Variants in KIF13A observed in about 807,000 individuals in gnomAD.
KIF13A encodes the protein kinesin-like protein KIF13A.
KIF13A carries 79 observed loss-of-function variants against 212.2 expected under a neutral mutation model. The ratio of observed to expected loss-of-function variants is 0.37; its 90% confidence interval spans 0.31 to 0.45. KIF13A has a LOEUF of 0.45. KIF13A is among the 20% of genes least tolerant of loss of function. The pLI is 1.00. For missense variants in KIF13A, 1,901 were observed against 2,209.0 expected, an observed-to-expected ratio of 0.86 and a Z score of 2.79; for synonymous variants, 789 against 808.6, an observed-to-expected ratio of 0.98 and a Z score of 0.41.
At chr6:17,862,973 C>CA (rs1185265162) in intron 4 of KIF13A, among the ~76,000 whole-genome samples, 8 of 151,680 alleles carry the variant, frequency 5.3e-5, no homozygotes, top group Admixed American at 5.2e-4. Flanking sequence ...AACAAACAAA[C>CA]AAAAAAACAA....
At chr6:17,943,049 G>T (rs1311447129) in intron 2 of KIF13A, among the ~76,000 whole-genome samples, 1 of 152,062 alleles carries the variant, frequency 6.6e-6, no homozygotes, top group Non-Finnish European at 1.5e-5. Flanking sequence ...TCATAAAAAT[G>T]GGTACTTATA....
At chr6:17,959,379 G>C (rs1306052197) in intron 2 of KIF13A, among the ~76,000 whole-genome samples, 1 of 152,180 alleles carries the variant, frequency 6.6e-6, no homozygotes, top group South Asian at 2.1e-4. Flanking sequence ...ACTACATTAT[G>C]TTTGGGAGAT....
intron 3 of KIF13A, among the ~76,000 whole-genome samples, chr6:17,884,426 AC>A (rs1315443490): frequency 2.0e-5 from 3 of 152,148 alleles, no homozygotes; most frequent in African/African-American, 7.2e-5. Context: ...TTATATTCTC[AC>A]CAAGCTGGAA....
At chr6:17,808,386 A>AAAACAAACAAACAAACAAAC (rs3076207) in intron 18 of KIF13A, among the ~76,000 whole-genome samples, 6 of 150,820 alleles carry the variant, frequency 4.0e-5, no homozygotes, top group African/African-American at 1.5e-4. Context: ...ACTCAGTCTA[A>AAAACAAACAAACAAACAAAC]AAACAAACAA....
chr6:17,843,634 T>C lies in KIF13A; in HGVS notation c.830+5743A>G, dbSNP rs1405975461. ...ATTAAAGTTAGTAGAGCTGTGTGCA[T>C]TTCTGAGGTGCTGTACCAGCCTCTG... On this transcript the variant is annotated intron_variant, in intron 9 of 38. Coordinates refer to ENST00000259711, the MANE Select transcript of KIF13A (RefSeq NM_022113.6). The surrounding 1 kb of genome is among the most constrained non-coding windows in gnomAD (Gnocchi z 5.3). 1.3e-5 allele frequency among the ~76,000 whole-genome samples: 2 copies of C among 152,218 alleles called. No individual in the cohort carries two copies.
chr6:17,882,238 C>T, intron 3 of KIF13A: 1 of 351,628 alleles, frequency 2.8e-6, no homozygotes, highest in East Asian at 7.5e-5. Context: ...CCACTTGTTA[C>T]CTTTTTCAAT....
chr6:17,803,932 C>T (rs1762702285), intron 20 of KIF13A, among the ~76,000 whole-genome samples: 1 of 152,208 alleles, frequency 6.6e-6, no homozygotes, highest in African/African-American at 2.4e-5. Flanking sequence ...GCGGGCGGAT[C>T]ACAAGGTCAG....
At chr6:17,925,641 T>C (rs188149040) in intron 2 of KIF13A, among the ~76,000 whole-genome samples, 27 of 152,280 alleles carry the variant, frequency 1.8e-4, no homozygotes, top group African/African-American at 6.0e-4. Context: ...CAACAGTCCG[T>C]GGGCAGGAGC....
chr6:17,784,264 A>C (rs535594528), intron 28 of KIF13A, among the ~76,000 whole-genome samples: 4 of 152,240 alleles, frequency 2.6e-5, no homozygotes, highest in East Asian at 1.9e-4. Flanking sequence ...ATAAAAAAAA[A>C]CAAAAAAACA....
intron 2 of KIF13A, among the ~76,000 whole-genome samples, chr6:17,957,867 C>A (rs16880094): frequency 2.0e-5 from 3 of 152,168 alleles, no homozygotes; most frequent in South Asian, 4.1e-4. Context: ...CATGGCCAGA[C>A]AGAGTTGTTT....
intron 25 of KIF13A, among the ~76,000 whole-genome samples, chr6:17,792,102 C>G (rs1177677424): frequency 1.4e-5 from 2 of 145,424 alleles, no homozygotes; most frequent in Non-Finnish European, 3.0e-5. Context: ...ACTCTGGAGA[C>G]TGAGGCAGGA....
chr6:17,826,914 T>C lies in KIF13A; in HGVS notation c.1533-790A>G, dbSNP rs1308245438. 1.3e-5 allele frequency among the ~76,000 whole-genome samples: 2 copies of C among 151,976 alleles called. No individual in the cohort carries two copies. Among genetic ancestry groups the C allele is most frequent in the African/African-American group, 4.8e-5 (2 of 41,400 alleles). ...TGGAATCTACTTTAAAATAATTTTT[T>C]TTTCTGGGCATGGTGGTGGGCGCCT... is the stretch of plus-strand genomic sequence containing the variant. On this transcript the variant is annotated intron_variant, in intron 14 of 38. Coordinates refer to ENST00000259711, the MANE Select transcript of KIF13A (RefSeq NM_022113.6). The surrounding 1 kb of genome is among the most constrained non-coding windows in gnomAD (Gnocchi z 4.7).
In KIF13A at chr6:17,939,938, G is replaced by A. The variant is rs572576367; in HGVS notation, c.147-41758C>T. On this transcript the variant is annotated intron_variant, in intron 2 of 38. Coordinates refer to ENST00000259711, the MANE Select transcript of KIF13A (RefSeq NM_022113.6). ...GCCTATAGTGCCAGCTACTCGGGAG[G>A]CTGAGGCAGGAGAATGGCGTGAACC... is the stretch of plus-strand genomic sequence containing the variant. 1.1e-4 allele frequency among the ~76,000 whole-genome samples: 16 copies of A among 151,880 alleles called. No homozygotes were observed. In the East Asian group the frequency reaches 2.9e-3, roughly 28 times the overall value.
Position 17,777,673 on chromosome 6 carries a change from C to T in KIF13A, c.4093-319G>A, listed in dbSNP as rs939498277. Among the ~76,000 whole-genome samples the T allele has an allele frequency of 3.3e-5, 5 of 152,084 alleles. No homozygotes were observed. Among genetic ancestry groups the T allele is most frequent in the Admixed American group, 1.3e-4 (2 of 15,258 alleles). On this transcript the variant is annotated intron_variant, in intron 33 of 38. Coordinates refer to ENST00000259711, the MANE Select transcript of KIF13A (RefSeq NM_022113.6). The surrounding 1 kb of genome is among the most constrained non-coding windows in gnomAD (Gnocchi z 4.4). The stretch of plus-strand genomic sequence containing the variant: ...TGTTAGGATTACAGGCGTGAGCCAC[C>T]GCACCCGGCCATTACTTTATTTTTT...
At chr6:17,909,891 A>G (rs1409278068) in intron 2 of KIF13A, among the ~76,000 whole-genome samples, 1 of 152,238 alleles carries the variant, frequency 6.6e-6, no homozygotes, top group East Asian at 1.9e-4. Flanking sequence ...CTCAAAACAA[A>G]AAAAGAGAGA....
rs1422339509 is a variant in KIF13A, at chr6:17,785,664, C to T, written c.3362-23G>A. ...TCTCTGCAGAAAAAAATGAGGAGAT[C>T]AATGCCAACAAGAGAGAAAGTATGA... is the stretch of plus-strand genomic sequence containing the variant. On this transcript the variant is annotated intron_variant, in intron 27 of 38. Coordinates refer to ENST00000259711, the MANE Select transcript of KIF13A (RefSeq NM_022113.6). This position sits in a 1 kb window ranked among gnomAD's most constrained non-coding sequence, Gnocchi z 5.8. 1 of 1,590,762 alleles carries T rather than the reference C, an allele frequency of 6.3e-7. No individual in the cohort carries two copies. The highest frequency in any genetic ancestry group is 8.6e-7 in the Non-Finnish European group (1 of 1,168,596).
intron 2 of KIF13A, among the ~76,000 whole-genome samples, chr6:17,902,582 C>T (rs1773144391): frequency 6.6e-6 from 1 of 152,124 alleles, no homozygotes; most frequent in South Asian, 2.1e-4. Context: ...TGCCTTTACC[C>T]CACTTTGTCT....
At chr6:17,903,952 A>G (rs1448537047) in intron 2 of KIF13A, among the ~76,000 whole-genome samples, 3 of 151,658 alleles carry the variant, frequency 2.0e-5, no homozygotes, top group East Asian at 3.9e-4. Flanking sequence ...CAGGAGTTCA[A>G]GACCACCCTA....
Position 17,789,786 on chromosome 6 carries a change from T to C in KIF13A, c.3261+86A>G. ...CATATTCTCGCTCTAGGGCCCTCCT[T>C]CCTCCTCCCTGGCCTCTGCTTTGCG... is the stretch of plus-strand genomic sequence containing the variant. On this transcript the variant is annotated intron_variant, in intron 26 of 38. Transcript: ENST00000259711. The surrounding 1 kb of genome is among the most constrained non-coding windows in gnomAD (Gnocchi z 4.8). 1 of 1,129,726 alleles carries C rather than the reference T, an allele frequency of 8.9e-7. No individual in the cohort carries two copies. Among genetic ancestry groups the C allele is most frequent in the Admixed American group, 2.1e-5 (1 of 48,296 alleles). The allele number at this position is 1,129,726 out of a possible 1,614,324, so 70.0% of individuals were successfully genotyped here. A position where few individuals can be genotyped will look rare whatever the true frequency, so the allele number is the denominator to read the frequency against.
Sources: gnomAD v4.1 joint callset for allele counts (sites outside exome capture counted in the v4.1 genomes callset) on GRCh38, gnomAD v4.1.1 for gene constraint, Gnocchi (gnomAD v3.1) non-coding constraint, MANE v1.5 for transcripts, NCBI Gene and HGNC (gene_info 2026-07-23, HGNC 2026-07-21) for gene names.